Variants in TDRD1 observed in about 807,000 individuals in gnomAD.
TDRD1 encodes the protein tudor domain containing 1.
TDRD1 carries 37 observed loss-of-function variants against 140.6 expected under a neutral mutation model. The ratio of observed to expected loss-of-function variants is 0.26; its 90% CI spans 0.20 to 0.35. The LOEUF (loss-of-function observed/expected upper bound fraction) is 0.35, where lower values mean the gene tolerates loss of function less well. Ranked by LOEUF, TDRD1 falls within the 10% of genes least tolerant of loss-of-function variation. TDRD1 has a pLI of 1.00. For synonymous variants in TDRD1, 506 were observed against 475.7 expected, an observed-to-expected ratio of 1.06 and a Z score of -0.83; for missense variants, 1,243 against 1,393.0, an observed-to-expected ratio of 0.89 and a Z score of 1.71.
chr10:114,192,628 T>A (rs976680572), intron 3 of TDRD1, among the ~76,000 whole-genome samples: 1 of 152,202 alleles, frequency 6.6e-6, no homozygotes. Flanking sequence ...TAAGTTTTGA[T>A]CCATTTTCAG....
chr10:114,216,666 A>G (rs2035834089), intron 16 of TDRD1, among the ~76,000 whole-genome samples: 1 of 152,166 alleles, frequency 6.6e-6, no homozygotes, highest in Non-Finnish European at 1.5e-5. Context: ...TAAAATTGTA[A>G]TGAGAGTATT....
At chr10:114,228,303 C>T (rs948700816) in intron 25 of TDRD1, 5 of 1,378,902 alleles carry the variant, frequency 3.6e-6, no homozygotes, top group African/African-American at 1.5e-5. Flanking sequence ...TTTATCTGAT[C>T]GTTTTCCTTT....
intron 14 of TDRD1, among the ~76,000 whole-genome samples, chr10:114,212,725 C>T (rs1348602886): frequency 6.6e-6 from 1 of 152,112 alleles, no homozygotes; most frequent in African/African-American, 2.4e-5. Flanking sequence ...TATAAGGGAC[C>T]AGTACTTCTT....
intron 2 of TDRD1, among the ~76,000 whole-genome samples, chr10:114,189,674 C>T (rs568637576): frequency 1.3e-5 from 2 of 152,188 alleles, no homozygotes; most frequent in Non-Finnish European, 2.9e-5. Flanking sequence ...TTACTACGGC[C>T]TCAAACCCCT....
rs866946154 is a variant in TDRD1 at position 114,210,845 on chromosome 10, G to C, written c.1553-15G>C. ...ATAGATACGTATTTCTTTAAGATGT[G>C]ATCTTTATCTGCAGGAAAGCTTGCT... On this transcript the variant is annotated splice_polypyrimidine_tract_variant and intron_variant, in intron 12 of 25. Transcript: ENST00000251864. The C allele has an allele frequency of 6.2e-7, 1 of 1,613,902 alleles. No homozygotes were observed. The highest frequency in any genetic ancestry group is 1.3e-5 in the African/African-American group (1 of 75,050).
Position 114,196,833 on chromosome 10 carries a change from C to CTTTTTTTTTTTTTTTTTTTTT in TDRD1, c.385-2330_385-2310dup, listed in dbSNP as rs36124319. Among the ~76,000 whole-genome samples the CTTTTTTTTTTTTTTTTTTTTT allele has an allele frequency of 2.1e-4, 10 of 48,352 alleles. 3 individuals are homozygous for CTTTTTTTTTTTTTTTTTTTTT. The highest frequency in any genetic ancestry group is 2.8e-4 in the African/African-American group (3 of 10,602). 31.7% of individuals were successfully genotyped at this position (48,352 alleles called of 152,430 possible). A position where few individuals can be genotyped will look rare whatever the true frequency, so the allele number is the denominator to read the frequency against. On this transcript the variant is annotated intron_variant, in intron 3 of 25. Coordinates refer to ENST00000251864, the Ensembl canonical transcript of TDRD1. ...ACCAAATTTGGAAGTTTCTAGCAGT[C>CTTTTTTTTTTTTTTTTTTTTT]TTTTTTTTTTTTTTTTTTTTTTTTT...
rs768635349 is a variant in TDRD1, at chr10:114,206,238, T to G, written c.1298-6T>G. 5 of 1,610,486 alleles carry G rather than the reference T, an allele frequency of 3.1e-6. No individual in the cohort carries two copies. The highest frequency in any genetic ancestry group is 4.2e-6 in the Non-Finnish European group (5 of 1,177,878). On this transcript the variant is annotated splice_region_variant and splice_polypyrimidine_tract_variant and intron_variant, in intron 10 of 25. Transcript: ENST00000251864. ...ATGGAGGCATATTTTCTTAATCACTTTTTAGGAAAACTTTTAGACCATGTG... is the reference window on the plus strand; with the variant it reads ...ATGGAGGCATATTTTCTTAATCACTGTTTAGGAAAACTTTTAGACCATGTG...
exon 22 of TDRD1, chr10:114,226,175 A>G: frequency 6.2e-7 from 1 of 1,613,484 alleles, no homozygotes; most frequent in Non-Finnish European, 8.5e-7. Flanking sequence ...ACCTCTAGCC[A>G]CCTGGCGCTT....
chr10:114,200,871 T>TG (rs1491394352), intron 4 of TDRD1, among the ~76,000 whole-genome samples: 11 of 109,546 alleles, frequency 1.0e-4, no homozygotes, highest in South Asian at 5.6e-4. Flanking sequence ...TTTTTTTTTT[T>TG]GAGACAGAGT....
At chr10:114,198,756 T>C (rs2034537644) in intron 3 of TDRD1, among the ~76,000 whole-genome samples, 1 of 152,166 alleles carries the variant, frequency 6.6e-6, no homozygotes. Flanking sequence ...TGAGCTCCAG[T>C]GTTCCTCCCT....
intron 3 of TDRD1, among the ~76,000 whole-genome samples, chr10:114,195,847 C>T (rs925956422): frequency 1.3e-5 from 2 of 152,126 alleles, no homozygotes; most frequent in Non-Finnish European, 2.9e-5. Context: ...TTGTGGGTTA[C>T]TTGAATACTT....
chr10:114,213,426 G>A (rs758034186), exon 15 of TDRD1: 14 of 1,614,046 alleles, frequency 8.7e-6, no homozygotes, highest in Non-Finnish European at 1.2e-5. Flanking sequence ...AATAATCACA[G>A]TGAAAGTGGT....
In TDRD1 at chr10:114,207,049, A is replaced by G. The variant is rs374411277; in HGVS notation, c.1384+719A>G. On this transcript the variant is annotated intron_variant, in intron 11 of 25. Transcript: ENST00000251864. ...TCTGATGACTGTTTACTCCTGTAAA[A>G]GCTTGTGTGTGTGGTTTATTTAGAT... Among the ~76,000 whole-genome samples, 12 of 152,320 alleles carry G rather than the reference A, an allele frequency of 7.9e-5. No homozygotes were observed. The East Asian group carries it at 2.3e-3, about 29-fold the overall frequency.
intron 25 of TDRD1, chr10:114,228,523 C>G: frequency 1.0e-6 from 1 of 993,254 alleles, no homozygotes; most frequent in Non-Finnish European, 1.2e-6. Flanking sequence ...ATGTTTAGCA[C>G]TTTTTGCGAG....
intron 22 of TDRD1, among the ~76,000 whole-genome samples, 185 bp downstream of exon 22, chr10:114,226,401 G>A (rs895481270): frequency 6.6e-6 from 1 of 152,122 alleles, no homozygotes; most frequent in Non-Finnish European, 1.5e-5. Flanking sequence ...CAAAAACTGT[G>A]TTCAGTCAGT....
At chr10:114,230,608 G>A (rs1438346141) in intron 25 of TDRD1, among the ~76,000 whole-genome samples, 2 of 152,154 alleles carry the variant, frequency 1.3e-5, no homozygotes, top group Non-Finnish European at 2.9e-5. Context: ...TACGTGTACA[G>A]TATCCTTTTA....
exon 17 of TDRD1, chr10:114,217,629 G>C: frequency 6.2e-7 from 1 of 1,602,228 alleles, no homozygotes; most frequent in East Asian, 2.3e-5. Flanking sequence ...GCAGAGATAG[G>C]ACAACCTTGT....
intron 9 of TDRD1, among the ~76,000 whole-genome samples, chr10:114,204,496 ATTAT>A (rs1358289003): frequency 8.5e-5 from 13 of 152,334 alleles, no homozygotes; most frequent in African/African-American, 2.4e-4. Context: ...TTGAAGGATA[ATTAT>A]TCTTTCATAA....
At chr10:114,176,717 T>G (rs1481142850), upstream of TDRD1, among the ~76,000 whole-genome samples, 1 of 152,080 alleles carries the variant, frequency 6.6e-6, no homozygotes, top group Non-Finnish European at 1.5e-5. This position sits in a 1 kb window ranked among gnomAD's most constrained non-coding sequence, Gnocchi z 4.2. Context: ...AGGACTGCAG[T>G]GAACTATGAC....
Sources: gnomAD v4.1 joint callset for allele counts (sites outside exome capture counted in the v4.1 genomes callset) on GRCh38, gnomAD v4.1.1 for gene constraint, Gnocchi (gnomAD v3.1) non-coding constraint, MANE v1.5 for transcripts, NCBI Gene and HGNC (gene_info 2026-07-23, HGNC 2026-07-21) for gene names.